Variants in ASRGL1 observed in about 807,000 individuals in gnomAD.
ASRGL1 encodes the protein isoaspartyl peptidase/L-asparaginase.
A neutral mutation model predicts 22.4 loss-of-function variants in ASRGL1; 16 were observed. That is an observed-to-expected ratio of 0.71 (90% CI 0.48 to 1.08). The LOEUF is 1.08. ASRGL1 is among the 50% of genes least tolerant of loss of function. ASRGL1 has a pLI of 0.00. For missense variants in ASRGL1, 412 were observed against 410.1 expected (o/e 1.00, Z -0.04); for synonymous variants, 165 against 159.3 (o/e 1.04, Z -0.27).
chr11:62,356,009 C>T (rs1482241634), intron 2 of ASRGL1, among the ~76,000 whole-genome samples: 2 of 152,216 alleles, frequency 1.3e-5, no homozygotes, highest in African/African-American at 4.8e-5. Context: ...GAAAAGTCTC[C>T]CATGTCTACT....
At chr11:62,381,491 C>T (rs1215423565) in intron 4 of ASRGL1, among the ~76,000 whole-genome samples, 1 of 152,132 alleles carries the variant, frequency 6.6e-6, no homozygotes, top group Non-Finnish European at 1.5e-5. Flanking sequence ...GCAACTGAAA[C>T]GCTATCTTCT....
At chr11:62,362,459 T>C (rs1054360215) in intron 4 of ASRGL1, among the ~76,000 whole-genome samples, 1 of 114,000 alleles carries the variant, frequency 8.8e-6, no homozygotes, top group South Asian at 2.5e-4. Flanking sequence ...TAACCAAAAA[T>C]ATATATATAT....
At chr11:62,350,349 T>C (rs1181049795) in intron 2 of ASRGL1, among the ~76,000 whole-genome samples, 2 of 152,210 alleles carry the variant, frequency 1.3e-5, no homozygotes, top group African/African-American at 4.8e-5. Flanking sequence ...AAAGGATATT[T>C]TGGTTGTTTC....
intron 4 of ASRGL1, among the ~76,000 whole-genome samples, chr11:62,388,442 G>A (rs118012228): frequency 0.078 from 11,919 of 152,066 alleles, 591 homozygotes; most frequent in Non-Finnish European, 0.12. Flanking sequence ...CAAGGCAGGC[G>A]TATCACCTGA....
intron 2 of ASRGL1, among the ~76,000 whole-genome samples, chr11:62,348,223 A>G (rs1398796810): frequency 1.3e-5 from 2 of 152,182 alleles, no homozygotes; most frequent in East Asian, 1.9e-4. Flanking sequence ...TGCTACACAA[A>G]TAAAGATCGT....
At chr11:62,396,737 T>C (rs71490371), downstream of ASRGL1, among the ~76,000 whole-genome samples, 3,751 of 151,358 alleles carry the variant, frequency 0.025, 56 homozygotes, top group Non-Finnish European at 0.038. Context: ...GGGCCAGCCA[T>C]GGACTCTGCT....
chr11:62,340,172 G>A (rs965565614), intron 2 of ASRGL1, among the ~76,000 whole-genome samples: 4 of 152,160 alleles, frequency 2.6e-5, no homozygotes, highest in Admixed American at 6.5e-5. Context: ...AGGAAGCTGA[G>A]GTAGGAAGAT....
intron 4 of ASRGL1, among the ~76,000 whole-genome samples, chr11:62,379,570 T>G (rs890324016): frequency 6.6e-6 from 1 of 152,192 alleles, no homozygotes; most frequent in Non-Finnish European, 1.5e-5. Flanking sequence ...TTGAACTCCC[T>G]TTAGATTTAG....
intron 4 of ASRGL1, 80 bp downstream of exon 4, chr11:62,357,224 C>CTTTTGTTTTG (rs58891136): frequency 0.41 from 296,263 of 724,470 alleles, 67,135 homozygotes; most frequent in African/African-American, 0.45. Flanking sequence ...ATCTACAGTT[C>CTTTTGTTTTG]TTTTGTTTTG....
intron 4 of ASRGL1, among the ~76,000 whole-genome samples, chr11:62,388,696 A>AT (rs1343485854): frequency 7.0e-6 from 1 of 143,468 alleles, no homozygotes; most frequent in Non-Finnish European, 1.5e-5. Context: ...AAAAAGCAGG[A>AT]TTTTGGGTCC....
At chr11:62,389,030 C>A in intron 4 of ASRGL1, 103 bp from the exon 5 acceptor site, 3 of 979,570 alleles carry the variant, frequency 3.1e-6, no homozygotes, top group Non-Finnish European at 4.7e-6. Context: ...GGTGCCCCAT[C>A]AACATATAAC....
chr11:62,362,588 T>TA (rs1946480756), intron 4 of ASRGL1, among the ~76,000 whole-genome samples: 1 of 71,488 alleles, frequency 1.4e-5, no homozygotes, highest in Non-Finnish European at 2.5e-5. Context: ...ATATAAAATA[T>TA]ATAATATATA....
At chr11:62,396,489 G>A (rs1416482829), downstream of ASRGL1, among the ~76,000 whole-genome samples, 1 of 152,170 alleles carries the variant, frequency 6.6e-6, no homozygotes, top group Non-Finnish European at 1.5e-5. Context: ...AAAAATTGGA[G>A]TTTCCCCGGT....
downstream of ASRGL1, among the ~76,000 whole-genome samples, chr11:62,398,210 G>A (rs1488292144): frequency 6.6e-6 from 1 of 152,032 alleles, no homozygotes; most frequent in Non-Finnish European, 1.5e-5. Context: ...GTTTGGCAAA[G>A]GGTGACTTGG....
intron 2 of ASRGL1, among the ~76,000 whole-genome samples, chr11:62,349,784 CG>C (rs1946127609): frequency 6.6e-6 from 1 of 152,266 alleles, no homozygotes; most frequent in Middle Eastern, 3.4e-3. Flanking sequence ...AGAGCAGCCC[CG>C]AGGGCTACTG....
intron 4 of ASRGL1, chr11:62,371,342 C>A: frequency 9.1e-7 from 1 of 1,102,802 alleles, no homozygotes; most frequent in Non-Finnish European, 1.2e-6. Context: ...GGCAAGCGCG[C>A]GGCGCAGCCT....
At chr11:62,373,331 C>G (rs1337021151) in intron 4 of ASRGL1, among the ~76,000 whole-genome samples, 9 of 152,140 alleles carry the variant, frequency 5.9e-5, no homozygotes, top group African/African-American at 1.7e-4. Flanking sequence ...TACAAGTGAT[C>G]CAACGTTAAC....
intron 4 of ASRGL1, among the ~76,000 whole-genome samples, chr11:62,385,610 A>G (rs949436831): frequency 3.3e-5 from 5 of 152,226 alleles, no homozygotes; most frequent in African/African-American, 9.6e-5. Flanking sequence ...CACGCCTGTA[A>G]TCCCAGCAGC....
chr11:62,385,109 C>T (rs1448698513), intron 4 of ASRGL1, among the ~76,000 whole-genome samples: 1 of 151,088 alleles, frequency 6.6e-6, no homozygotes. Context: ...AGAGGTGGGC[C>T]TGCCACCAGC....
Sources: gnomAD v4.1 joint callset for allele counts (sites outside exome capture counted in the v4.1 genomes callset) on GRCh38, gnomAD v4.1.1 for gene constraint, MANE v1.5 for transcripts, NCBI Gene and HGNC (gene_info 2026-07-23, HGNC 2026-07-21) for gene names.